ADD3: variants seen among roughly 807,000 people sequenced by gnomAD.
ADD3 encodes the protein gamma-adducin.
ADD3 carries 25 observed loss-of-function variants against 80.2 expected under a neutral mutation model. The ratio of observed to expected loss-of-function variants is 0.31; its 90% CI spans 0.23 to 0.44. ADD3 has a LOEUF of 0.44. Ranked by LOEUF, ADD3 falls within the 20% of genes least tolerant of loss-of-function variation. The pLI is 1.00. For synonymous variants in ADD3, 284 were observed against 289.6 expected (o/e 0.98, Z 0.20); for missense variants, 829 against 847.5 (o/e 0.98, Z 0.27).
chr10:110,076,327 A>G (rs1399140146), intron 1 of ADD3, among the ~76,000 whole-genome samples: 1 of 152,220 alleles, frequency 6.6e-6, no homozygotes, highest in African/African-American at 2.4e-5. Flanking sequence ...ATTTATACAT[A>G]CTGTGGAAAA....
chr10:110,130,221 T>A (rs1852778238), intron 12 of ADD3, 142 bp from the exon 13 acceptor site: 1 of 814,544 alleles, frequency 1.2e-6, no homozygotes, highest in African/African-American at 1.7e-5. Flanking sequence ...ACAAAGCATG[T>A]TACCTTGCAT....
chr10:110,000,729 G>C (rs1328232720), intron 1 of ADD3, among the ~76,000 whole-genome samples: 1 of 152,182 alleles, frequency 6.6e-6, no homozygotes, highest in African/African-American at 2.4e-5. Context: ...ATCCCTAGCA[G>C]TGTTAATTCT....
chr10:110,063,736 ATTATATATAT>A (rs1219203261), intron 1 of ADD3, among the ~76,000 whole-genome samples: 10 of 45,798 alleles, frequency 2.2e-4, no homozygotes, highest in African/African-American at 8.1e-4. Flanking sequence ...ATATATATTC[ATTATATATAT>A]ATATATATAT....
At chr10:110,003,100 A>G (rs1165867885), upstream of ADD3, among the ~76,000 whole-genome samples, 1 of 151,830 alleles carries the variant, frequency 6.6e-6, no homozygotes, top group Non-Finnish European at 1.5e-5. Context: ...AATACATAAC[A>G]TTATGTAGTT....
chr10:110,106,630 A>T (rs1849424120), intron 2 of ADD3, among the ~76,000 whole-genome samples: 1 of 152,138 alleles, frequency 6.6e-6, no homozygotes, highest in Non-Finnish European at 1.5e-5. Flanking sequence ...CGACATTGAT[A>T]GATATATAAA....
chr10:110,077,240 A>T (rs1348311268), intron 1 of ADD3: 1 of 151,830 alleles, frequency 6.6e-6, no homozygotes, highest in African/African-American at 2.4e-5. Flanking sequence ...CTTTGGGAGG[A>T]GCCTCTGGCT....
chr10:110,014,613 A>G (rs1852713735), intron 1 of ADD3, among the ~76,000 whole-genome samples: 1 of 151,774 alleles, frequency 6.6e-6, no homozygotes. Context: ...CGCAACATCT[A>G]CCTCCTGGGC....
chr10:110,071,125 G>C (rs1057472342), intron 1 of ADD3, among the ~76,000 whole-genome samples: 1 of 151,864 alleles, frequency 6.6e-6, no homozygotes, highest in Admixed American at 6.6e-5. Context: ...AAAAATTGGG[G>C]GAATGGCTTT....
At chr10:110,084,280 A>G (rs1187645129) in intron 1 of ADD3, among the ~76,000 whole-genome samples, 3 of 152,196 alleles carry the variant, frequency 2.0e-5, no homozygotes, top group Admixed American at 6.5e-5. Flanking sequence ...AACACCAACA[A>G]AATGTTTTGT....
intron 3 of ADD3, among the ~76,000 whole-genome samples, chr10:110,114,947 G>A (rs144498812): frequency 1.4e-3 from 212 of 152,044 alleles, no homozygotes; most frequent in South Asian, 3.3e-3. Context: ...AGGTGTGGCA[G>A]CATGCCCTGT....
At chr10:110,117,717 G>A (rs1850926809) in intron 5 of ADD3, among the ~76,000 whole-genome samples, 1 of 150,798 alleles carries the variant, frequency 6.6e-6, no homozygotes, top group African/African-American at 2.5e-5. Context: ...AAAAAATTGT[G>A]TAAAAAAAAC....
chr10:110,034,637 T>C (rs1167856339), intron 1 of ADD3, among the ~76,000 whole-genome samples: 2 of 152,138 alleles, frequency 1.3e-5, no homozygotes, highest in Non-Finnish European at 2.9e-5. Context: ...TAGACAATCA[T>C]ACTCTAAAGA....
chr10:110,076,245 G>A (rs1845361565), intron 1 of ADD3, among the ~76,000 whole-genome samples: 1 of 152,026 alleles, frequency 6.6e-6, no homozygotes, highest in Non-Finnish European at 1.5e-5. Flanking sequence ...ACTTGAATAA[G>A]TATCAGATGT....
chr10:110,109,559 G>A (rs910580780), intron 2 of ADD3, among the ~76,000 whole-genome samples: 13 of 152,162 alleles, frequency 8.5e-5, no homozygotes, highest in Non-Finnish European at 1.5e-4. Flanking sequence ...TATATGTAAT[G>A]AGTGATACAC....
chr10:109,999,589 T>C (rs1299982018), intron 1 of ADD3, among the ~76,000 whole-genome samples: 1 of 152,198 alleles, frequency 6.6e-6, no homozygotes, highest in African/African-American at 2.4e-5. Flanking sequence ...GTTTCCTCAT[T>C]TGAAAAACAG....
intron 3 of ADD3, among the ~76,000 whole-genome samples, chr10:110,114,408 A>G (rs1850433420): frequency 1.3e-5 from 2 of 152,256 alleles, no homozygotes; most frequent in South Asian, 4.1e-4. Context: ...ATTCTCAGGT[A>G]AAAAGCAGTG....
Position 110,049,836 on chromosome 10 carries a change from G to A in ADD3, c.-30+41537G>A, listed in dbSNP as rs186355745. ...CGGGAGGCAGAGCTTGCAGTGAGCC[G>A]AGATCGCGCCACTGCACTCCAGCCT... On this transcript the variant is annotated intron_variant, in intron 1 of 14. Transcript: ENST00000356080. Among the ~76,000 whole-genome samples the A allele has an allele frequency of 3.6e-3, 540 of 150,086 alleles. 7 individuals carry two copies. Among genetic ancestry groups the A allele is most frequent in the African/African-American group, 0.013 (515 of 40,514 alleles).
intron 1 of ADD3, among the ~76,000 whole-genome samples, chr10:110,047,020 G>C (rs1231510117): frequency 2.0e-5 from 3 of 152,108 alleles, no homozygotes; most frequent in African/African-American, 7.2e-5. Context: ...AGATGTAGTA[G>C]TTTTCACCCC....
intron 3 of ADD3, 59 bp from the exon 4 acceptor site, chr10:110,116,200 A>T: frequency 6.3e-7 from 1 of 1,579,242 alleles, no homozygotes; most frequent in Non-Finnish European, 8.6e-7. Flanking sequence ...CCTGGCAACT[A>T]ATTTCCAGGT....
Sources: gnomAD v4.1 joint callset for allele counts (sites outside exome capture counted in the v4.1 genomes callset) on GRCh38, gnomAD v4.1.1 for gene constraint, MANE v1.5 for transcripts, NCBI Gene and HGNC (gene_info 2026-07-23, HGNC 2026-07-21) for gene names.